Variants in PTPRM observed in about 807,000 individuals in gnomAD.
The protein encoded by PTPRM is receptor-type tyrosine-protein phosphatase mu.
In PTPRM, 47 loss-of-function variants were observed where a neutral mutation model predicts 186.7. The observed-to-expected ratio is 0.25, with a 90% CI of 0.20 to 0.32. The LOEUF is 0.32. PTPRM is among the 10% of genes least tolerant of loss of function. PTPRM has a pLI of 1.00. For missense variants in PTPRM, 1,494 were observed against 1,865.0 expected, an observed-to-expected ratio of 0.80 and a Z score of 3.66; for synonymous variants, 668 against 674.9, an observed-to-expected ratio of 0.99 and a Z score of 0.16.
At chr18:7,758,158 G>GT (rs1450324384) in intron 1 of PTPRM, among the ~76,000 whole-genome samples, 2 of 152,176 alleles carry the variant, frequency 1.3e-5, no homozygotes, top group South Asian at 2.1e-4. Flanking sequence ...CACACTTTGA[G>GT]TAAGTGTTGA....
chr18:8,117,279 G>A (rs1389597597), intron 13 of PTPRM, among the ~76,000 whole-genome samples: 2 of 152,178 alleles, frequency 1.3e-5, no homozygotes, highest in Non-Finnish European at 2.9e-5. Context: ...CATCCTGAGT[G>A]TGTGTTGCCA....
chr18:7,696,350 A>T (rs1350272681), intron 1 of PTPRM, among the ~76,000 whole-genome samples: 1 of 152,312 alleles, frequency 6.6e-6, no homozygotes, highest in East Asian at 1.9e-4. Flanking sequence ...AGTGCATGAC[A>T]TCTAAATTTG....
At chr18:7,833,765 A>G (rs2045883370) in intron 2 of PTPRM, among the ~76,000 whole-genome samples, 1 of 151,740 alleles carries the variant, frequency 6.6e-6, no homozygotes, top group South Asian at 2.1e-4. Flanking sequence ...CAACAACAAC[A>G]ACAACAACAA....
intron 1 of PTPRM, among the ~76,000 whole-genome samples, chr18:7,743,989 C>T (rs1477486537): frequency 6.6e-6 from 1 of 152,194 alleles, no homozygotes; most frequent in Non-Finnish European, 1.5e-5. Flanking sequence ...TTAGATTTTT[C>T]CACAATTAGT....
At chr18:8,025,659 A>G (rs1003270674) in intron 7 of PTPRM, among the ~76,000 whole-genome samples, 1 of 152,232 alleles carries the variant, frequency 6.6e-6, no homozygotes, top group Non-Finnish European at 1.5e-5. Flanking sequence ...AACAGCTGGT[A>G]CGATATTAGC....
intron 23 of PTPRM, among the ~76,000 whole-genome samples, chr18:8,344,472 A>ATC (rs2095494518): frequency 2.7e-5 from 4 of 146,894 alleles, no homozygotes; most frequent in African/African-American, 7.8e-5. Flanking sequence ...ATATATATAT[A>ATC]TATCTAGCAA....
intron 14 of PTPRM, among the ~76,000 whole-genome samples, chr18:8,225,853 C>A (rs1211360588): frequency 6.6e-6 from 1 of 152,062 alleles, no homozygotes; most frequent in Admixed American, 6.6e-5. Flanking sequence ...AAATTTCAAA[C>A]AAGCTATAGA....
At chr18:8,138,871 C>G (rs1050345145) in intron 13 of PTPRM, among the ~76,000 whole-genome samples, 1 of 152,114 alleles carries the variant, frequency 6.6e-6, no homozygotes, top group African/African-American at 2.4e-5. Flanking sequence ...TTCGTGATCC[C>G]TTTCTTCCTC....
At chr18:8,321,128 A>C (rs2095342939) in intron 22 of PTPRM, among the ~76,000 whole-genome samples, 1 of 152,238 alleles carries the variant, frequency 6.6e-6, no homozygotes, top group Non-Finnish European at 1.5e-5. Context: ...GCCTCACAAC[A>C]TCAGATTTAA....
chr18:7,841,657 T>C (rs879685080), intron 2 of PTPRM, among the ~76,000 whole-genome samples: 2 of 152,222 alleles, frequency 1.3e-5, no homozygotes, highest in Non-Finnish European at 2.9e-5. Flanking sequence ...GTACAGGTTA[T>C]CTGGCACCAC....
At chr18:8,196,373 G>A (rs746822798) in intron 14 of PTPRM, among the ~76,000 whole-genome samples, 1 of 152,198 alleles carries the variant, frequency 6.6e-6, no homozygotes, top group Non-Finnish European at 1.5e-5. Context: ...TGCTATTACT[G>A]TTAGAGAGAT....
chr18:7,962,748 T>A (rs2058750919), intron 7 of PTPRM, among the ~76,000 whole-genome samples: 1 of 152,240 alleles, frequency 6.6e-6, no homozygotes, highest in Non-Finnish European at 1.5e-5. Flanking sequence ...CTGGTTGAAA[T>A]GGGAATAATC....
intron 20 of PTPRM, among the ~76,000 whole-genome samples, chr18:8,312,830 A>G (rs2095279576): frequency 6.6e-6 from 1 of 152,156 alleles, no homozygotes; most frequent in Non-Finnish European, 1.5e-5. Flanking sequence ...ACCACATTCC[A>G]GATAAACTTA....
At chr18:7,986,165 G>C (rs1282650205) in intron 7 of PTPRM, among the ~76,000 whole-genome samples, 2 of 152,186 alleles carry the variant, frequency 1.3e-5, no homozygotes, top group African/African-American at 4.8e-5. Flanking sequence ...AATTTGAAAT[G>C]AATGTGATAA....
rs570630040 is a variant in PTPRM, at chr18:7,851,309, T to C, written c.197-36797T>C. 5.3e-5 allele frequency among the ~76,000 whole-genome samples: 8 copies of C among 152,292 alleles called. No individual in the cohort carries two copies. The South Asian group carries it at 8.3e-4, about 16-fold the overall frequency. On this transcript the variant is annotated intron_variant, in intron 2 of 32. Coordinates refer to ENST00000580170, the MANE Select transcript of PTPRM (RefSeq NM_001105244.2). ...AAGCAATATTTTAGTAGATAGTCAC[T>C]GGAGGTTTTCCAAAACTGACATCAA...
At chr18:7,763,882 A>G (rs1598575820) in intron 1 of PTPRM, among the ~76,000 whole-genome samples, 1 of 152,164 alleles carries the variant, frequency 6.6e-6, no homozygotes, top group East Asian at 1.9e-4. Context: ...TATGCTAATA[A>G]AATCAAGAGG....
intron 1 of PTPRM, among the ~76,000 whole-genome samples, chr18:7,594,448 C>T (rs772630914): frequency 3.3e-5 from 5 of 151,614 alleles, no homozygotes; most frequent in Admixed American, 1.3e-4. Flanking sequence ...CCATTGCACT[C>T]TAGCCCAGGC....
At chr18:8,088,970 T>C in intron 11 of PTPRM, 119 bp downstream of exon 11, 2 of 750,356 alleles carry the variant, frequency 2.7e-6, no homozygotes, top group East Asian at 2.7e-5. Context: ...TAAATCCATA[T>C]GTTTATTAGC....
chr18:8,378,175 T>C (rs572689533), intron 26 of PTPRM, 90 bp from the exon 27 acceptor site: 15 of 1,338,310 alleles, frequency 1.1e-5, no homozygotes, highest in Non-Finnish European at 1.6e-5. Context: ...CTGTCTCCAC[T>C]CTCTTGATGA....
Sources: allele counts gnomAD v4.1 joint callset (sites outside exome capture counted in the v4.1 genomes callset), GRCh38; gene constraint gnomAD v4.1.1; transcripts MANE v1.5; gene names NCBI Gene and HGNC (gene_info 2026-07-23, HGNC 2026-07-21).